MGRN1: variants seen among roughly 807,000 people sequenced by gnomAD.
MGRN1 encodes the protein mahogunin ring finger 1, also known as E3 ubiquitin-protein ligase MGRN1.
A neutral mutation model predicts 69.2 loss-of-function variants in MGRN1; 29 were observed. The ratio of observed to expected loss-of-function variants is 0.42; its 90% confidence interval spans 0.31 to 0.57. MGRN1 has a LOEUF of 0.57. MGRN1 is among the 20% of genes least tolerant of loss of function. MGRN1 has a pLI of 0.15. For missense variants in MGRN1, 998 were observed against 796.2 expected, an observed-to-expected ratio of 1.25 and a Z score of -3.05; for synonymous variants, 470 against 344.2, an observed-to-expected ratio of 1.37 and a Z score of -4.04.
At chr16:4,684,291 C>A (rs2079257459) in intron 16 of MGRN1, among the ~76,000 whole-genome samples, 1 of 152,236 alleles carries the variant, frequency 6.6e-6, no homozygotes, top group Non-Finnish European at 1.5e-5. Context: ...CAGATCCGGC[C>A]CCACTGGGAT....
intron 9 of MGRN1, among the ~76,000 whole-genome samples, 189 bp downstream of exon 9, chr16:4,671,648 A>G (rs113305320): frequency 2.0e-5 from 3 of 152,106 alleles, no homozygotes; most frequent in Non-Finnish European, 4.4e-5. Context: ...TTCTCCAGCA[A>G]ATTCACTAGC....
At position 4,642,466 on chromosome 16, in the gene MGRN1, T is replaced by TTGTGTGTGTGTGTGTG. The variant is rs143119735; in HGVS notation, c.89-7879_89-7864dup. 2.0e-3 allele frequency among the ~76,000 whole-genome samples: 283 copies of TTGTGTGTGTGTGTGTG among 141,814 alleles called. 1 individual carries two copies. Among genetic ancestry groups the TTGTGTGTGTGTGTGTG allele is most frequent in the African/African-American group, 7.0e-3 (263 of 37,496 alleles). The allele number at this position is 141,814 out of a possible 152,430, so 93.0% of individuals were successfully genotyped here. ...GCATGCACCACCACGGCCAGCTAAT[T>TTGTGTGTGTGTGTGTG]TGTGTGTGTGTGTGTGTGTGTGTGT... On this transcript the variant is annotated intron_variant, in intron 1 of 16. Coordinates refer to ENST00000262370, the MANE Select transcript of MGRN1 (RefSeq NM_015246.4).
chr16:4,646,963 C>G (rs772373553), intron 1 of MGRN1, among the ~76,000 whole-genome samples: 1 of 152,192 alleles, frequency 6.6e-6, no homozygotes. Context: ...CCCTCCAGAC[C>G]AAGGCTGCCC....
intron 10 of MGRN1, among the ~76,000 whole-genome samples, chr16:4,675,685 TG>T (rs1385377040): frequency 2.6e-5 from 4 of 151,504 alleles, no homozygotes; most frequent in African/African-American, 9.7e-5. Flanking sequence ...GAGCTGTGAT[TG>T]TGCCACCACT....
intron 14 of MGRN1, 44 bp from the exon 15 acceptor site, chr16:4,683,180 C>T (rs201489244): frequency 3.2e-5 from 51 of 1,608,594 alleles, no homozygotes; most frequent in East Asian, 4.5e-5. Flanking sequence ...GAGCGGTGGC[C>T]GCGGCTCTCT....
intron 16 of MGRN1, 124 bp from the exon 17 acceptor site, chr16:4,688,672 C>T: frequency 3.5e-6 from 5 of 1,445,312 alleles, no homozygotes; most frequent in Non-Finnish European, 2.7e-6. Flanking sequence ...GCTGTTGTGG[C>T]CACAGGCGGC....
At position 4,689,474 on chromosome 16, in the gene MGRN1, G is replaced by A. The variant is rs771440859; in HGVS notation, c.*566G>A. 32 of 153,162 alleles carry A rather than the reference G, an allele frequency of 2.1e-4. No individual in the cohort carries two copies. The highest frequency in any genetic ancestry group is 2.8e-4 in the Non-Finnish European group (19 of 68,440). 9.5% of individuals were successfully genotyped at this position (153,162 alleles called of 1,614,324 possible). On this transcript the variant is annotated 3_prime_UTR_variant, in exon 17 of 17. Coordinates refer to ENST00000262370, the MANE Select transcript of MGRN1 (RefSeq NM_015246.4). The stretch of plus-strand genomic sequence containing the variant: ...TCAGTGCCCTCCCTGGTGCGTCTGC[G>A]CTGGGGCCCTCAGTGCTCGGGGCCT...
At chr16:4,673,715 C>G (rs900633504) in intron 10 of MGRN1, 58 bp downstream of exon 10, 11 of 1,582,998 alleles carry the variant, frequency 6.9e-6, no homozygotes, top group South Asian at 3.4e-5. Flanking sequence ...ACTGGCCACA[C>G]CACGGTGGTC....
At chr16:4,653,800 TG>T (rs2141887625) in intron 4 of MGRN1, among the ~76,000 whole-genome samples, 1 of 152,094 alleles carries the variant, frequency 6.6e-6, no homozygotes, top group South Asian at 2.1e-4. Context: ...TTGCCCAGGC[TG>T]GAGTGCAATG....
intron 1 of MGRN1, among the ~76,000 whole-genome samples, chr16:4,642,378 ACCTTCG>A (rs1295551328): frequency 1.3e-5 from 2 of 151,478 alleles, no homozygotes; most frequent in East Asian, 3.9e-4. Context: ...GCTCACGGTA[ACCTTCG>A]TCTCCTGAGT....
In MGRN1 at chr16:4,689,098, T is replaced by G; in HGVS notation, c.*190T>G. ...CTTCTGAGTCTCCCTTTTCTACAGT[T>G]GATATATTTGTAACTGGTACAAGAT... On this transcript the variant is annotated 3_prime_UTR_variant, in exon 17 of 17. Coordinates refer to ENST00000262370, the MANE Select transcript of MGRN1 (RefSeq NM_015246.4). 1 of 721,334 alleles carries G rather than the reference T, an allele frequency of 1.4e-6. No homozygotes were observed. The highest frequency in any genetic ancestry group is 2.1e-6 in the Non-Finnish European group (1 of 471,738). 44.7% of individuals were successfully genotyped at this position (721,334 alleles called of 1,614,324 possible). A position where few individuals can be genotyped will look rare whatever the true frequency, so the allele number is the denominator to read the frequency against.
intron 11 of MGRN1, among the ~76,000 whole-genome samples, chr16:4,679,731 T>C (rs2079134597): frequency 6.6e-6 from 1 of 152,166 alleles, no homozygotes; most frequent in Admixed American, 6.5e-5. Context: ...ACGTCCACCT[T>C]GGCCAAATCT....
chr16:4,666,052 G>A (rs765711522), intron 7 of MGRN1, among the ~76,000 whole-genome samples: 7 of 151,458 alleles, frequency 4.6e-5, no homozygotes, highest in Non-Finnish European at 7.4e-5. Flanking sequence ...GGATGGTCTC[G>A]ATCTCCTGCC....
chr16:4,673,581 C>T lies in MGRN1; in HGVS notation c.879C>T (p.Cys293=), dbSNP rs1036683747. 5.6e-6 allele frequency: 9 copies of T among 1,613,728 alleles called. No individual in the cohort carries two copies. Among genetic ancestry groups the T allele is most frequent in the Non-Finnish European group, 5.9e-6 (7 of 1,180,004 alleles). ...SDLRDTLILP[C]RHLCLCTSCA... ...TGCGGGACACGCTGATCCTGCCCTG[C>T]CGCCACCTGTGCCTCTGTACCTCCT... Residue 293 remains cysteine, a synonymous_variant, in exon 10 of 17, where the codon TGC becomes TGT. Transcript: ENST00000262370.
At chr16:4,683,405 C>T (rs2079234220) in intron 15 of MGRN1, 136 bp downstream of exon 15, 7 of 1,037,562 alleles carry the variant, frequency 6.7e-6, no homozygotes, top group African/African-American at 3.2e-5. Context: ...AGGCCCCCCT[C>T]GGCGGCACTG....
chr16:4,688,966 T>G lies in MGRN1; in HGVS notation c.*58T>G. ...GGCTCCCCAGACTTTGCCGAGGGGCTGCTCCGGACCCCGTTGTGAGCCGGC... is the reference window on the plus strand; with the variant it reads ...GGCTCCCCAGACTTTGCCGAGGGGCGGCTCCGGACCCCGTTGTGAGCCGGC... On this transcript the variant is annotated 3_prime_UTR_variant, in exon 17 of 17. Transcript: ENST00000262370. 1 of 1,487,798 alleles carries G rather than the reference T, an allele frequency of 6.7e-7. No individual in the cohort carries two copies. The highest frequency in any genetic ancestry group is 9.0e-7 in the Non-Finnish European group (1 of 1,111,452). The allele number at this position is 1,487,798 out of a possible 1,614,324, so 92.2% of individuals were successfully genotyped here.
At chr16:4,678,836 C>G (rs551682217) in intron 11 of MGRN1, among the ~76,000 whole-genome samples, 8 of 152,362 alleles carry the variant, frequency 5.3e-5, no homozygotes, top group Admixed American at 4.6e-4. Context: ...TCACAGACAG[C>G]GCCTTTGCTC....
chr16:4,648,417 G>C (rs1395695937), intron 1 of MGRN1, among the ~76,000 whole-genome samples: 1 of 89,454 alleles, frequency 1.1e-5, no homozygotes, highest in Admixed American at 1.1e-4. Flanking sequence ...CCTCCCGGGG[G>C]CTCTTCCCGT....
chr16:4,680,309 G>A (rs570317268), intron 12 of MGRN1: 24 of 546,396 alleles, frequency 4.4e-5, no homozygotes, highest in African/African-American at 3.3e-4. Context: ...CGCTGGCCCC[G>A]CCGCCCTCCC....
Sources: allele counts gnomAD v4.1 joint callset (sites outside exome capture counted in the v4.1 genomes callset), GRCh38; gene constraint gnomAD v4.1.1; transcripts MANE v1.5; gene names NCBI Gene and HGNC (gene_info 2026-07-23, HGNC 2026-07-21).